Variants in BTNL8 observed in about 807,000 individuals in gnomAD.
BTNL8 encodes the protein butyrophilin like 8, also known as butyrophilin-like protein 8.
Under a neutral mutation model 36.1 loss-of-function variants are expected in BTNL8, and 22 were observed. The ratio of observed to expected loss-of-function variants is 0.61; its 90% confidence interval spans 0.44 to 0.87. The LOEUF is 0.87. Ranked by LOEUF, BTNL8 falls within the 40% of genes least tolerant of loss-of-function variation. BTNL8 has a pLI of 0.00. For synonymous variants in BTNL8, 203 were observed against 235.6 expected, an observed-to-expected ratio of 0.86 and a Z score of 1.27; for missense variants, 526 against 616.9, an observed-to-expected ratio of 0.85 and a Z score of 1.56.
chr5:180,902,442 T>G (rs1756863239), intron 1 of BTNL8: 2 of 1,527,730 alleles, frequency 1.3e-6, no homozygotes, highest in Non-Finnish European at 8.9e-7. Flanking sequence ...GAAATAGGAT[T>G]GTGATGAATG....
intron 3 of BTNL8, among the ~76,000 whole-genome samples, chr5:180,945,112 G>A (rs1759173353): frequency 6.6e-6 from 1 of 152,188 alleles, no homozygotes; most frequent in Non-Finnish European, 1.5e-5. Flanking sequence ...TGGCACAAAA[G>A]CGGACACATC....
chr5:180,911,250 TG>T (rs1235505959), intron 2 of BTNL8, 88 bp from the exon 3 acceptor site: 36 of 1,541,002 alleles, frequency 2.3e-5, no homozygotes, highest in Non-Finnish European at 2.8e-5. Flanking sequence ...AGAGAATGGG[TG>T]GGGGGTGGAC....
intron 3 of BTNL8, among the ~76,000 whole-genome samples, chr5:180,916,319 T>C (rs1303848197): frequency 5.9e-5 from 9 of 152,132 alleles, no homozygotes; most frequent in Non-Finnish European, 4.4e-5. Context: ...GCGAAATCTA[T>C]GGAATGTAGC....
At chr5:180,902,693 G>A (rs1442113958) in intron 1 of BTNL8, among the ~76,000 whole-genome samples, 7 of 105,208 alleles carry the variant, frequency 6.7e-5, no homozygotes, top group African/African-American at 2.0e-4. Context: ...ACCCCACAAC[G>A]TCCCCAGAGT....
chr5:180,949,085 A>G lies in BTNL8; in HGVS notation c.835+139A>G, dbSNP rs1759416512. The G allele has an allele frequency of 1.2e-5, 14 of 1,199,876 alleles. 1 individual carries two copies. The highest frequency in any genetic ancestry group is 1.5e-5 in the Non-Finnish European group (13 of 860,766). The allele number at this position is 1,199,876 out of a possible 1,614,324, so 74.3% of individuals were successfully genotyped here. A position where few individuals can be genotyped will look rare whatever the true frequency, so the allele number is the denominator to read the frequency against. On this transcript the variant is annotated intron_variant, in intron 6 of 7. Coordinates refer to ENST00000340184, the MANE Select transcript of BTNL8 (RefSeq NM_001040462.3). Reference sequence around the variant, plus strand: ...ACTCTGAAATTGCAGATTCTGGGGGAGGTGCATTTTGTAGAGAAGCCCCAT... The same window carrying G: ...ACTCTGAAATTGCAGATTCTGGGGGGGGTGCATTTTGTAGAGAAGCCCCAT...
At chr5:180,907,758 G>A (rs900189943) in intron 1 of BTNL8, among the ~76,000 whole-genome samples, 1 of 152,006 alleles carries the variant, frequency 6.6e-6, no homozygotes, top group Non-Finnish European at 1.5e-5. Context: ...TCAGCTGCAG[G>A]TCTGTTGGAG....
rs141157357 is a variant in BTNL8, at chr5:180,950,102, G to C, written c.1061G>C (p.Arg354Pro). 7.5e-6 allele frequency: 11 copies of C among 1,462,834 alleles called. 3 individuals carry two copies. The highest frequency in any genetic ancestry group is 1.0e-5 in the Non-Finnish European group (11 of 1,058,872). 90.6% of individuals were successfully genotyped at this position (1,462,834 alleles called of 1,614,324 possible). Reference sequence around the variant, plus strand: ...GACGGAGGACACAATAAAAGGTGGCGCGTGGGAGTGTGCCGGGATGATGTG... The same window carrying C: ...GACGGAGGACACAATAAAAGGTGGCCCGTGGGAGTGTGCCGGGATGATGTG... The part of the protein sequence containing the change: ...EVDGGHNKRW[R>P]VGVCRDDVDR... The change falls in exon 8 of 8, where the codon CGC (arginine) becomes CCC (proline). Residue 354 changes from arginine (R) to proline (P), a missense_variant. Arg to Pro is a moderately radical substitution (Grantham distance 103). Coordinates refer to ENST00000340184, the MANE Select transcript of BTNL8 (RefSeq NM_001040462.3).
At chr5:180,909,018 A>T in intron 2 of BTNL8, 85 bp downstream of exon 2, 2 of 1,357,212 alleles carry the variant, frequency 1.5e-6, no homozygotes, top group Non-Finnish European at 2.0e-6. Context: ...AAATTTTAAA[A>T]TTTTAGGTCA....
At chr5:180,931,047 C>T (rs1304163605) in intron 3 of BTNL8, among the ~76,000 whole-genome samples, 1 of 152,184 alleles carries the variant, frequency 6.6e-6, no homozygotes, top group African/African-American at 2.4e-5. Flanking sequence ...CATCATGCTA[C>T]CTGACTTCAA....
In BTNL8 at chr5:180,929,738, C is replaced by A. The variant is rs1023512780; in HGVS notation, c.674-17774C>A. Among the ~76,000 whole-genome samples the A allele has an allele frequency of 2.0e-5, 3 of 152,170 alleles. 1 individual carries two copies. Among genetic ancestry groups the A allele is most frequent in the Non-Finnish European group, 4.4e-5 (3 of 68,040 alleles). On this transcript the variant is annotated intron_variant, in intron 3 of 7. Transcript: ENST00000340184. ...GAAGAAATGGATAAATTCCTGGACA[C>A]ATACACCCTCCCAACACTAAACCAG...
At position 180,909,678 on chromosome 5, in the gene BTNL8, G is replaced by A. The variant is rs7710851; in HGVS notation, c.397+745G>A. The stretch of plus-strand genomic sequence containing the variant: ...GAGGATTGCTTGAGTCCAGGAGCTC[G>A]AGACCAGCCTGGGCATATGGTAAGA... On this transcript the variant is annotated intron_variant, in intron 2 of 7. Coordinates refer to ENST00000340184, the MANE Select transcript of BTNL8 (RefSeq NM_001040462.3). 7 of 703,054 alleles carry A rather than the reference G, an allele frequency of 1.0e-5. No homozygotes were observed. The African/African-American group carries it at 1.0e-4, about 10-fold the overall frequency. 43.6% of individuals were successfully genotyped at this position (703,054 alleles called of 1,614,324 possible).
At chr5:180,941,943 G>A (rs889743499) in intron 3 of BTNL8, among the ~76,000 whole-genome samples, 3 of 124,900 alleles carry the variant, frequency 2.4e-5, no homozygotes, top group Non-Finnish European at 5.2e-5. Context: ...AGTCCTAGCC[G>A]GAGCAATCAG....
chr5:180,901,362 C>T (rs1436266173), intron 1 of BTNL8, among the ~76,000 whole-genome samples: 1 of 152,034 alleles, frequency 6.6e-6, no homozygotes, highest in Non-Finnish European at 1.5e-5. Flanking sequence ...CACTGCCAGT[C>T]AAAGGGGGTG....
chr5:180,937,003 G>A (rs752200475), intron 3 of BTNL8, among the ~76,000 whole-genome samples: 4 of 152,154 alleles, frequency 2.6e-5, no homozygotes, highest in African/African-American at 7.2e-5. Context: ...AAGGACTGGC[G>A]CACTCAGCAC....
intron 3 of BTNL8, chr5:180,945,915 T>C: frequency 7.2e-6 from 2 of 278,740 alleles, no homozygotes; most frequent in South Asian, 7.0e-5. Flanking sequence ...TAAGTGCTCT[T>C]CCTTGAATGG....
chr5:180,911,316 AC>A (rs765775195), intron 2 of BTNL8, 22 bp from the exon 3 acceptor site: 1 of 1,611,546 alleles, frequency 6.2e-7, no homozygotes, highest in African/African-American at 1.3e-5. Flanking sequence ...TTTGCTTTCA[AC>A]CGTTCCCTGT....
intron 3 of BTNL8, among the ~76,000 whole-genome samples, chr5:180,943,624 C>T (rs1759093265): frequency 1.3e-5 from 2 of 152,240 alleles, no homozygotes; most frequent in South Asian, 4.1e-4. Context: ...AGAAGAGGAA[C>T]ACTTACACAC....
intron 3 of BTNL8, among the ~76,000 whole-genome samples, chr5:180,940,317 C>T (rs562590786): frequency 3.4e-5 from 5 of 144,990 alleles, no homozygotes; most frequent in Admixed American, 1.4e-4. Context: ...TCAGCCTGGG[C>T]GACAGAGCAA....
intron 1 of BTNL8, among the ~76,000 whole-genome samples, chr5:180,906,356 T>G (rs1757086837): frequency 8.2e-6 from 1 of 122,180 alleles, no homozygotes; most frequent in Non-Finnish European, 1.6e-5. Context: ...CCTGCCTTTT[T>G]TTGTTTTCCA....
Sources: allele counts gnomAD v4.1 joint callset (sites outside exome capture counted in the v4.1 genomes callset), GRCh38; gene constraint gnomAD v4.1.1; transcripts MANE v1.5; gene names NCBI Gene and HGNC (gene_info 2026-07-23, HGNC 2026-07-21).